TENM4: variants seen among roughly 807,000 people sequenced by gnomAD.
TENM4 encodes teneurin transmembrane protein 4.
Under a neutral mutation model 243.3 loss-of-function variants are expected in TENM4, and 82 were observed. The observed-to-expected ratio is 0.34, with a 90% CI of 0.28 to 0.40. The LOEUF is 0.40. Ranked by LOEUF, TENM4 falls within the 10% of genes least tolerant of loss-of-function variation. The probability of loss-of-function intolerance (pLI) is 1.00; values close to 1 mark genes in which losing one functional copy is unlikely to be tolerated. For synonymous variants in TENM4, 1,412 were observed against 1,456.3 expected (o/e 0.97, Z 0.69); for missense variants, 3,138 against 3,673.3 (o/e 0.85, Z 3.77).
chr11:79,122,816 GA>G (rs1335827848), intron 4 of TENM4, among the ~76,000 whole-genome samples: 1 of 152,152 alleles, frequency 6.6e-6, no homozygotes, highest in Admixed American at 6.5e-5. Flanking sequence ...TTAAGGTCAG[GA>G]GAACTCTACA....
chr11:78,962,582 A>G (rs1247795323), intron 6 of TENM4, among the ~76,000 whole-genome samples: 1 of 152,062 alleles, frequency 6.6e-6, no homozygotes, highest in Admixed American at 6.5e-5. Flanking sequence ...GCTGGCAAAG[A>G]GGGAATCTCG....
intron 1 of TENM4, among the ~76,000 whole-genome samples, chr11:79,437,444 C>G (rs1001174911): frequency 6.6e-6 from 1 of 151,998 alleles, no homozygotes; most frequent in Non-Finnish European, 1.5e-5. Context: ...CTGCACTGTG[C>G]CGCGCGGCGC....
chr11:79,308,000 G>C (rs376343134), intron 1 of TENM4, among the ~76,000 whole-genome samples: 12 of 152,350 alleles, frequency 7.9e-5, no homozygotes, highest in African/African-American at 2.9e-4. Context: ...GGAGATGTTG[G>C]TCTGATGTAA....
At chr11:79,123,249 G>A (rs945595425) in intron 4 of TENM4, among the ~76,000 whole-genome samples, 23 of 152,192 alleles carry the variant, frequency 1.5e-4, no homozygotes, top group African/African-American at 2.7e-4. Context: ...AATCCTGGGC[G>A]TTATTGAGCT....
intron 1 of TENM4, among the ~76,000 whole-genome samples, chr11:79,421,039 G>T (rs17138318): frequency 0.17 from 25,730 of 152,092 alleles, 2,301 homozygotes; most frequent in African/African-American, 0.19. Flanking sequence ...ATCTGGTAGG[G>T]AGTATTTTTT....
intron 4 of TENM4, among the ~76,000 whole-genome samples, chr11:79,070,736 G>C (rs190962483): frequency 3.3e-5 from 5 of 152,322 alleles, no homozygotes; most frequent in Admixed American, 2.0e-4. Flanking sequence ...CCATCTGACA[G>C]ATGAGAAAAC....
At chr11:79,421,460 C>G (rs1032953189) in intron 1 of TENM4, among the ~76,000 whole-genome samples, 1 of 152,200 alleles carries the variant, frequency 6.6e-6, no homozygotes, top group Non-Finnish European at 1.5e-5. Flanking sequence ...CTAACAACTG[C>G]TTTACCCCAG....
intron 1 of TENM4, among the ~76,000 whole-genome samples, chr11:79,409,115 TGC>T (rs1858642365): frequency 7.2e-6 from 1 of 138,362 alleles, no homozygotes; most frequent in East Asian, 2.3e-4. Flanking sequence ...CGCGCGCGCG[TGC>T]GTGCACGCGC....
At chr11:78,928,699 T>C (rs1257551246) in intron 6 of TENM4, among the ~76,000 whole-genome samples, 1 of 152,240 alleles carries the variant, frequency 6.6e-6, no homozygotes, top group Non-Finnish European at 1.5e-5. Flanking sequence ...TAGTTTATAA[T>C]TATGTAATAA....
intron 4 of TENM4, among the ~76,000 whole-genome samples, chr11:79,074,804 T>C (rs1860497737): frequency 6.6e-6 from 1 of 152,178 alleles, no homozygotes; most frequent in Non-Finnish European, 1.5e-5. Flanking sequence ...GTCCATGCCT[T>C]CTCTGACAGG....
intron 10 of TENM4, 63 bp downstream of exon 10, chr11:78,862,899 A>G: frequency 7.6e-7 from 1 of 1,318,704 alleles, no homozygotes; most frequent in Non-Finnish European, 9.8e-7. Flanking sequence ...CACGTTATGG[A>G]GGGCTCTTCA....
At chr11:78,891,929 A>G (rs1347622832) in intron 7 of TENM4, among the ~76,000 whole-genome samples, 1 of 151,940 alleles carries the variant, frequency 6.6e-6, no homozygotes, top group Non-Finnish European at 1.5e-5. Context: ...CTTTCTGGAG[A>G]GCTGAGCATT....
At chr11:78,689,294 G>A (rs1385830236) in intron 28 of TENM4, among the ~76,000 whole-genome samples, 1 of 152,082 alleles carries the variant, frequency 6.6e-6, no homozygotes, top group Non-Finnish European at 1.5e-5. Flanking sequence ...GGCAGGAGTG[G>A]GCTATTAACA....
At chr11:78,950,314 G>A (rs988817207) in intron 6 of TENM4, among the ~76,000 whole-genome samples, 1 of 152,222 alleles carries the variant, frequency 6.6e-6, no homozygotes, top group African/African-American at 2.4e-5. Context: ...CCTCTGGCCA[G>A]GGGTCATAAA....
chr11:79,197,325 A>G (rs1863650186), intron 3 of TENM4, among the ~76,000 whole-genome samples: 1 of 149,460 alleles, frequency 6.7e-6, no homozygotes, highest in Admixed American at 6.7e-5. Flanking sequence ...CTGGCTGCTC[A>G]TTAGAATCAC....
chr11:79,079,303 T>A (rs1452208008), intron 4 of TENM4, among the ~76,000 whole-genome samples: 1 of 152,208 alleles, frequency 6.6e-6, no homozygotes, highest in Non-Finnish European at 1.5e-5. Context: ...AGCTGCTGTA[T>A]GGGCACTGCT....
chr11:79,208,333 G>T (rs1052667003), intron 3 of TENM4, among the ~76,000 whole-genome samples: 2 of 152,202 alleles, frequency 1.3e-5, no homozygotes, highest in African/African-American at 4.8e-5. Flanking sequence ...GATTGCTGAG[G>T]CTTGCCTTCT....
At chr11:79,222,659 C>T (rs1007263050) in intron 2 of TENM4, among the ~76,000 whole-genome samples, 1 of 152,168 alleles carries the variant, frequency 6.6e-6, no homozygotes, top group Non-Finnish European at 1.5e-5. Context: ...CACAGCCTTG[C>T]CAGAATCTGT....
intron 6 of TENM4, among the ~76,000 whole-genome samples, chr11:79,045,590 G>A (rs1591237432): frequency 6.6e-6 from 1 of 152,310 alleles, no homozygotes; most frequent in East Asian, 1.9e-4. Flanking sequence ...GCTGCTACTG[G>A]AGCTCAGGCT....
Sources: allele counts gnomAD v4.1 joint callset (sites outside exome capture counted in the v4.1 genomes callset), GRCh38; gene constraint gnomAD v4.1.1; transcripts MANE v1.5; gene names NCBI Gene and HGNC (gene_info 2026-07-23, HGNC 2026-07-21).